Variants in SPG7 observed in about 807,000 individuals in gnomAD.
SPG7 encodes the protein mitochondrial inner membrane m-AAA protease component paraplegin.
SPG7 carries 103 observed loss-of-function variants against 81.9 expected under a neutral mutation model. That is an observed-to-expected ratio of 1.26 (90% CI 1.07 to 1.48). SPG7 has a LOEUF of 1.48. SPG7 is among the 40% of genes most tolerant of loss of function. SPG7 has a pLI of 0.00. For synonymous variants in SPG7, 534 were observed against 444.2 expected (o/e 1.20, Z -2.54); for missense variants, 1,241 against 1,087.3 (o/e 1.14, Z -1.99).
chr16:89,511,486 A>G (rs967171949), intron 2 of SPG7, among the ~76,000 whole-genome samples: 16 of 152,246 alleles, frequency 1.1e-4, no homozygotes, highest in African/African-American at 2.9e-4. Context: ...CTTTGTGCCA[A>G]CACATGGGTA....
intron 12 of SPG7, chr16:89,549,222 T>C: frequency 2.2e-6 from 1 of 456,844 alleles, no homozygotes; most frequent in Non-Finnish European, 4.4e-6. Context: ...ACAAGCCAGT[T>C]GAAAGAAAAT....
rs111531345 is a variant in SPG7 at position 89,543,776 on chromosome 16, C to G, written c.1325-872C>G. 1,328 of 151,944 alleles carry G rather than the reference C, an allele frequency of 8.7e-3. 28 individuals carry two copies. Among genetic ancestry groups the G allele is most frequent in the African/African-American group, 0.03 (1,260 of 41,394 alleles). The allele number at this position is 151,944 out of a possible 1,614,324, so 9.4% of individuals were successfully genotyped here. On this transcript the variant is annotated intron_variant, in intron 9 of 16. Transcript: ENST00000645818. ...TCAAGCGATTCTTCTGCTTTAACCT[C>G]CTGAGTAACTGGGATTACAGGTGCA...
chr16:89,510,860 T>C (rs572033435), intron 2 of SPG7, among the ~76,000 whole-genome samples: 1 of 152,284 alleles, frequency 6.6e-6, no homozygotes, highest in East Asian at 1.9e-4. Context: ...AGGTCTCACT[T>C]TGTTGTCCAG....
In SPG7 at chr16:89,544,766, G is replaced by A. The variant is rs1201608246; in HGVS notation, c.1443G>A (p.Thr481=). 38 of 1,613,858 alleles carry A rather than the reference G, an allele frequency of 2.4e-5. No individual in the cohort carries two copies. The highest frequency in any genetic ancestry group is 3.0e-5 in the Non-Finnish European group (35 of 1,179,980). The change falls in exon 10 of 17, where the codon ACG becomes ACA. Residue 481 remains threonine (T), a synonymous_variant. Transcript: ENST00000645818. ...GGCACGTCTTCATTGATCTCCCCAC[G>A]CTGCAGGTCAGAGCCAGGATCCCAG... The part of the protein sequence containing the change: ...LDRHVFIDLP[T]LQERREIFEQ...
At chr16:89,523,953 C>G (rs780230476) in intron 3 of SPG7, 53 bp from the exon 4 acceptor site, 10 of 1,603,430 alleles carry the variant, frequency 6.2e-6, no homozygotes, top group Non-Finnish European at 8.5e-6. Context: ...GGATGTCGCC[C>G]GTGTCTGTTG....
chr16:89,542,424 TAA>T (rs1056889792), intron 9 of SPG7: 4 of 152,240 alleles, frequency 2.6e-5, no homozygotes, highest in African/African-American at 9.6e-5. Flanking sequence ...GAGTTTATTT[TAA>T]AAGTCACCGT....
At chr16:89,544,566 T>C in intron 9 of SPG7, 82 bp from the exon 10 acceptor site, 2 of 1,537,386 alleles carry the variant, frequency 1.3e-6, no homozygotes, top group Non-Finnish European at 1.8e-6. Context: ...CTCCCTCCTG[T>C]GTCCTGAAGG....
intron 12 of SPG7, 199 bp downstream of exon 12, chr16:89,548,312 G>C: frequency 1.8e-6 from 1 of 564,458 alleles, no homozygotes; most frequent in Non-Finnish European, 3.1e-6. Context: ...ATTTACCTAA[G>C]AGTAGACGCT....
rs138502942 is a variant in SPG7 at position 89,540,775 on chromosome 16, C to G, written c.1325-3873C>G. ...ACCCCGTGTCCACATGCGCTCACCA[C>G]ATGACCCCGCATCCACCCTCCTGGG... On this transcript the variant is annotated intron_variant, in intron 9 of 16. Coordinates refer to ENST00000645818, the MANE Select transcript of SPG7 (RefSeq NM_003119.4). 12 of 484,448 alleles carry G rather than the reference C, an allele frequency of 2.5e-5. No homozygotes were observed. The African/African-American group carries it at 2.5e-4, about 10-fold the overall frequency. The allele number at this position is 484,448 out of a possible 1,614,324, so 30.0% of individuals were successfully genotyped here. A position where few individuals can be genotyped will look rare whatever the true frequency, so the allele number is the denominator to read the frequency against.
At chr16:89,511,613 C>A (rs893763186) in intron 2 of SPG7, among the ~76,000 whole-genome samples, 1 of 152,232 alleles carries the variant, frequency 6.6e-6, no homozygotes, top group Non-Finnish European at 1.5e-5. Context: ...CTTCAGCCTC[C>A]TTAAGCCTGA....
intron 4 of SPG7, among the ~76,000 whole-genome samples, chr16:89,525,583 C>A (rs148985645): frequency 7.1e-4 from 108 of 152,254 alleles, no homozygotes; most frequent in Non-Finnish European, 1.2e-3. Context: ...CCCGCAAGTC[C>A]GTCTGTGTCC....
chr16:89,526,450 G>T lies in SPG7; in HGVS notation c.740G>T (p.Arg247Leu), dbSNP rs746209986. ...GACAGGATCCCAGTTTCCTACAAGC[G>T]AACAGGATTCTTTGGAAAGTATGTT... ...AKDRIPVSYK[R>L]TGFFGNALYS... Residue 247 changes from arginine (R) to leucine (L), a missense_variant, in exon 5 of 17, where the codon CGA (arginine) becomes CTA (leucine). Transcript: ENST00000645818. 1.9e-6 allele frequency: 3 copies of T among 1,614,062 alleles called. No individual in the cohort carries two copies. The highest frequency in any genetic ancestry group is 2.7e-5 in the African/African-American group (2 of 74,918).
At chr16:89,508,898 G>A (rs947027569) in intron 1 of SPG7, 4 of 602,058 alleles carry the variant, frequency 6.6e-6, no homozygotes, top group Non-Finnish European at 1.2e-5. Flanking sequence ...CTTTTAAAGT[G>A]GAATCCAGTA....
intron 1 of SPG7, among the ~76,000 whole-genome samples, chr16:89,509,215 G>T (rs1327501093): frequency 2.0e-5 from 3 of 152,166 alleles, no homozygotes; most frequent in Non-Finnish European, 4.4e-5. Flanking sequence ...TTTTCTCCTA[G>T]CCCTCGCCTA....
chr16:89,553,909 G>A lies in SPG7; in HGVS notation c.2052G>A (p.Met684Ile). Residue 684 changes from methionine to isoleucine, a missense_variant, in exon 15 of 17, where the codon ATG becomes ATA. Physicochemically the swap from Met to Ile is conservative, Grantham distance 10. Coordinates refer to ENST00000645818, the MANE Select transcript of SPG7 (RefSeq NM_003119.4). Reference protein sequence around the residue: ...ISFPEAQEGLMGIGRRPFSQG... With the variant: ...ISFPEAQEGLIGIGRRPFSQG... ...TCCCTGAGGCGCAGGAGGGCCTCAT[G>A]GGCATCGGGCGGCGCCCCTTCAGCC... 1.2e-6 allele frequency: 2 copies of A among 1,612,952 alleles called. No individual in the cohort carries two copies. The highest frequency in any genetic ancestry group is 2.2e-5 in the South Asian group (2 of 91,074).
chr16:89,508,947 G>C (rs1168338082), intron 1 of SPG7: 1 of 513,702 alleles, frequency 1.9e-6, no homozygotes, highest in South Asian at 1.5e-5. Context: ...GTCCACGCCT[G>C]TGGATCGATT....
Position 89,536,944 on chromosome 16 carries a change from CA to C in SPG7, c.1324+4311del, listed in dbSNP as rs1259332778. 2.5e-5 allele frequency: 41 copies of C among 1,614,006 alleles called. No homozygotes were observed. The East Asian group carries it at 8.9e-4, about 35-fold the overall frequency. ...ACCACCTTTTTGAGTGACTTGAGCC[CA>C]AAGGCAAGCGTATATCAAACGATCT... On this transcript the variant is annotated intron_variant, in intron 9 of 16. Transcript: ENST00000645818.
At chr16:89,537,645 G>A (rs1195495190) in intron 9 of SPG7, 1 of 948,488 alleles carries the variant, frequency 1.1e-6, no homozygotes, top group African/African-American at 1.8e-5. Context: ...TTCCTAAGTA[G>A]TTGGGACTCA....
At chr16:89,532,911 C>G (rs1033688522) in intron 9 of SPG7, 5 of 457,920 alleles carry the variant, frequency 1.1e-5, no homozygotes, top group African/African-American at 9.9e-5. Flanking sequence ...TGCTGAAACC[C>G]CATCTCTACA....
Sources: gnomAD v4.1 joint callset for allele counts (sites outside exome capture counted in the v4.1 genomes callset) on GRCh38, gnomAD v4.1.1 for gene constraint, MANE v1.5 for transcripts, NCBI Gene and HGNC (gene_info 2026-07-23, HGNC 2026-07-21) for gene names.